Variants in EPPK1 observed in about 807,000 individuals in gnomAD.
EPPK1 encodes the protein epiplakin.
For missense variants in EPPK1, 3,823 were observed against 3,673.3 expected, an observed-to-expected ratio of 1.04 and a Z score of -1.05; for synonymous variants, 1,862 against 1,721.2, an observed-to-expected ratio of 1.08 and a Z score of -2.03.
At chr8:143,877,134 C>G (rs782378450) in intron 1 of EPPK1, among the ~76,000 whole-genome samples, 1 of 152,242 alleles carries the variant, frequency 6.6e-6, no homozygotes, top group South Asian at 2.1e-4. Flanking sequence ...CCGCACCATG[C>G]GTGAGATGCG....
intron 1 of EPPK1, among the ~76,000 whole-genome samples, chr8:143,875,275 G>A (rs1819457686): frequency 1.3e-5 from 2 of 152,298 alleles, no homozygotes; most frequent in South Asian, 2.1e-4. Flanking sequence ...GGCTGTCGAG[G>A]CTCGTAGATG....
At chr8:143,873,798 C>T (rs2130654723) in intron 1 of EPPK1, among the ~76,000 whole-genome samples, 1 of 152,044 alleles carries the variant, frequency 6.6e-6, no homozygotes, top group East Asian at 1.9e-4. Flanking sequence ...CCCACCCCAG[C>T]TCCAGTGATC....
rs782275400 is a variant in EPPK1, at chr8:143,871,832, T to TC, written c.1421dup (p.Gly475ArgfsTer43). ...TGAATGGGGGTCCCTGGGGCTCCCC[T>TC]CCCCGGGGTCCCCCTGAGAGTGGCA... On this transcript the variant is annotated frameshift_variant, in exon 2 of 2. Transcript: ENST00000615648. LOFTEE classifies it low-confidence loss of function (END_TRUNC). 1 of 1,612,196 alleles carries TC rather than the reference T, an allele frequency of 6.2e-7. No homozygotes were observed. Among genetic ancestry groups the TC allele is most frequent in the Admixed American group, 1.7e-5 (1 of 60,018 alleles).
Position 143,871,461 on chromosome 8 carries a change from C to T in EPPK1, c.1793G>A (p.Ser598Asn), listed in dbSNP as rs782724289. The part of the protein sequence containing the change: ...HGQATAKDVG[S>N]LASVQRYLQG... ...CAGGTACCTCTGCACCGAGGCCAGGCTGCCCACATCCTTGGCTGTGGCCTG... is the reference window on the plus strand; with the variant it reads ...CAGGTACCTCTGCACCGAGGCCAGGTTGCCCACATCCTTGGCTGTGGCCTG... The change falls in exon 2 of 2, where the codon AGC becomes AAC. Residue 598 changes from serine (S) to asparagine (N), a missense_variant. Coordinates refer to ENST00000615648, the MANE Select transcript of EPPK1 (RefSeq NM_031308.4). 1.9e-6 allele frequency: 3 copies of T among 1,607,822 alleles called. No individual in the cohort carries two copies. In the African/African-American group the frequency reaches 4.0e-5, roughly 21 times the overall value.
In EPPK1 at chr8:143,866,773, A is replaced by G. The variant is rs115688173; in HGVS notation, c.6481T>C (p.Leu2161=). ...TTGCTGGTTTCCTGCTTCTCGATCA[A>G]CTCTAAGATGAGCTGCGCTACCGTC... ...LQTVAQLILE[L]IEKQETSNKH... The change falls in exon 2 of 2, where the codon TTG becomes CTG. Residue 2161 remains leucine (L), a synonymous_variant. Coordinates refer to ENST00000615648, the MANE Select transcript of EPPK1 (RefSeq NM_031308.4). 1,977 of 1,613,072 alleles carry G rather than the reference A, an allele frequency of 1.2e-3. 29 individuals are homozygous for G. In the African/African-American group the frequency reaches 0.024, roughly 20 times the overall value.
intron 1 of EPPK1, among the ~76,000 whole-genome samples, chr8:143,876,916 A>T (rs1343340145): frequency 1.3e-5 from 2 of 152,158 alleles, no homozygotes; most frequent in African/African-American, 4.8e-5. Context: ...GGGTGGGGAC[A>T]GCACCTTGGG....
Position 143,857,641 on chromosome 8 carries a change from G to A in EPPK1, c.*346C>T, listed in dbSNP as rs1459042622. On this transcript the variant is annotated 3_prime_UTR_variant, in exon 2 of 2. Transcript: ENST00000615648. ...AAATTACACTGCAACAAGAGTACCC[G>A]ATGGCATGATGGACTGAGAGTCTAA... 6 of 287,556 alleles carry A rather than the reference G, an allele frequency of 2.1e-5. No individual in the cohort carries two copies. The highest frequency in any genetic ancestry group is 1.2e-4 in the East Asian group (2 of 16,430). 17.8% of individuals were successfully genotyped at this position (287,556 alleles called of 1,614,324 possible).
At chr8:143,877,930 C>T (rs1819512492) in intron 1 of EPPK1, among the ~76,000 whole-genome samples, 1 of 152,066 alleles carries the variant, frequency 6.6e-6, no homozygotes, top group African/African-American at 2.4e-5. Context: ...AGTGGCCACC[C>T]CTGGGACCGC....
At position 143,873,262 on chromosome 8, in the gene EPPK1, G is replaced by A. The variant is rs782058723; in HGVS notation, c.-9C>T. ...AAGGTGTGGCCACTCATCACACACG[G>A]CTGGTTATGCAGAGCCTGCTGAGGT... On this transcript the variant is annotated 5_prime_UTR_variant, in exon 2 of 2. Coordinates refer to ENST00000615648, the MANE Select transcript of EPPK1 (RefSeq NM_031308.4). The A allele has an allele frequency of 7.2e-6, 11 of 1,537,086 alleles. No individual in the cohort carries two copies. The highest frequency in any genetic ancestry group is 1.3e-5 in the South Asian group (1 of 77,360).
chr8:143,870,351 G>A lies in EPPK1; in HGVS notation c.2903C>T (p.Ala968Val), dbSNP rs782782110. Reference sequence around the variant, plus strand: ...AGGGTCCATGATGGTTCCGGTGGCCGCCTGGGCCTCCAGCAGGGCCAGGGC... The same window carrying A: ...AGGGTCCATGATGGTTCCGGTGGCCACCTGGGCCTCCAGCAGGGCCAGGGC... ...RVALALLEAQ[A>V]ATGTIMDPHS... The change falls in exon 2 of 2, where the codon GCG (alanine) becomes GTG (valine). Residue 968 changes from alanine to valine, a missense_variant. Ala to Val is a moderately conservative substitution (Grantham distance 64, BLOSUM62 0). Transcript: ENST00000615648. This position sits in a 1 kb window ranked among gnomAD's most constrained non-coding sequence, Gnocchi z 5.2. 6.4e-6 allele frequency: 10 copies of A among 1,557,964 alleles called. No individual in the cohort carries two copies. The highest frequency in any genetic ancestry group is 1.7e-4 in the Middle Eastern group (1 of 5,716).
intron 1 of EPPK1, among the ~76,000 whole-genome samples, chr8:143,877,210 G>A (rs947909021): frequency 6.6e-6 from 1 of 152,224 alleles, no homozygotes; most frequent in Admixed American, 6.5e-5. Flanking sequence ...ACCCCTCTGG[G>A]CCCTGCCCCT....
chr8:143,872,185 G>A lies in EPPK1; in HGVS notation c.1069C>T (p.Leu357=). Residue 357 remains leucine, a synonymous_variant, in exon 2 of 2, where the codon CTG becomes TTG. Coordinates refer to ENST00000615648, the MANE Select transcript of EPPK1 (RefSeq NM_031308.4). ...LVSPELHEQL[L]VAEQAVTGHH... is the part of the protein sequence containing the mutation. ...CCTGTCACGGCCTGCTCGGCCACCAGGAGCTGCTCATGGAGCTCTGGGCTG... is the reference window on the plus strand; with the variant it reads ...CCTGTCACGGCCTGCTCGGCCACCAAGAGCTGCTCATGGAGCTCTGGGCTG... 6.3e-7 allele frequency: 1 copy of A among 1,597,364 alleles called. No individual in the cohort carries two copies. The highest frequency in any genetic ancestry group is 2.2e-5 in the East Asian group (1 of 44,720).
chr8:143,868,480 T>C lies in EPPK1; in HGVS notation c.4774A>G (p.Arg1592Gly), dbSNP rs566572612. The stretch of plus-strand genomic sequence containing the variant: ...GTGCCAGGCCGCAGGATGTGCCTCC[T>C]CAGGGCCTCTGGGATGCTCATCCTC... The part of the protein sequence containing the change: ...QERMSIPEAL[R>G]RHILRPGTAL... The change falls in exon 2 of 2, where the codon AGG becomes GGG. Residue 1592 changes from arginine to glycine, a missense_variant. Arg to Gly is a moderately radical substitution (Grantham distance 125). Transcript: ENST00000615648. 35 of 1,611,968 alleles carry C rather than the reference T, an allele frequency of 2.2e-5. No individual in the cohort carries two copies. The South Asian group carries it at 3.5e-4, about 16-fold the overall frequency.
upstream of EPPK1, among the ~76,000 whole-genome samples, chr8:143,879,079 G>T (rs1250774181): frequency 6.6e-6 from 1 of 152,180 alleles, no homozygotes; most frequent in Non-Finnish European, 1.5e-5. Flanking sequence ...GCCCATCCTG[G>T]CACCCACCTT....
At position 143,870,757 on chromosome 8, in the gene EPPK1, C is replaced by G; in HGVS notation, c.2497G>C (p.Ala833Pro). ...YGRFQGQRVSAWELINSEYFS... is the reference protein window; with the variant it reads ...YGRFQGQRVSPWELINSEYFS... The stretch of plus-strand genomic sequence containing the variant: ...TACTCAGAGTTGATCAGCTCCCACG[C>G]GGAGACCCTCTGCCCCTGAAACCGT... The change falls in exon 2 of 2, where the codon GCG (alanine) becomes CCG (proline). Residue 833 changes from alanine (A) to proline (P), a missense_variant. Ala to Pro is a conservative substitution (Grantham distance 27, BLOSUM62 -1). Transcript: ENST00000615648. The surrounding 1 kb of genome is among the most constrained non-coding windows in gnomAD (Gnocchi z 5.2). The G allele has an allele frequency of 6.2e-7, 1 of 1,612,576 alleles. No homozygotes were observed. Among genetic ancestry groups the G allele is most frequent in the Non-Finnish European group, 8.5e-7 (1 of 1,179,834 alleles).
rs1177149769 is a variant in EPPK1, at chr8:143,872,252, G to A, written c.1002C>T (p.Gly334=). 1 of 1,609,658 alleles carries A rather than the reference G, an allele frequency of 6.2e-7. No homozygotes were observed. The highest frequency in any genetic ancestry group is 8.5e-7 in the Non-Finnish European group (1 of 1,178,510). ...CTGCCTCGTCTACCCACAGCCGCTG[G>A]CCTGTGATGGGGTCCACCAGGGTGT... ...ATHTLVDPIT[G]QRLWVDEAVR... The change falls in exon 2 of 2, where the codon GGC becomes GGT. Residue 334 remains glycine (G), a synonymous_variant. Coordinates refer to ENST00000615648, the MANE Select transcript of EPPK1 (RefSeq NM_031308.4).
Position 143,872,040 on chromosome 8 carries a change from A to G in EPPK1, c.1214T>C (p.Val405Ala). ...CAGCCGGAGCCTGCGTGCTGGACAG[A>G]CCAGCCCGCCTGTGGCCAGCTGGGC... ...LDAQLATGGL[V>A]CPARRLRLPL... The change falls in exon 2 of 2, where the codon GTC (valine) becomes GCC (alanine). Residue 405 changes from valine to alanine, a missense_variant. Val to Ala is a moderately conservative substitution (Grantham distance 64). Coordinates refer to ENST00000615648, the MANE Select transcript of EPPK1 (RefSeq NM_031308.4). The G allele has an allele frequency of 6.4e-7, 1 of 1,557,484 alleles. No individual in the cohort carries two copies. The highest frequency in any genetic ancestry group is 8.7e-7 in the Non-Finnish European group (1 of 1,152,400).
chr8:143,871,529 G>A lies in EPPK1; in HGVS notation c.1725C>T (p.Ala575=), dbSNP rs782126688. Residue 575 remains alanine, a synonymous_variant, in exon 2 of 2, where the codon GCC becomes GCT. Transcript: ENST00000615648. ...CGTACAGGTCCTGGTCGATGATCTC[G>A]GCTTTCAGCAGCTCTCCTGGTGTCA... ...DTVTPGELLK[A]EIIDQDLYER... is the part of the protein sequence containing the mutation. 1.2e-5 allele frequency: 20 copies of A among 1,609,966 alleles called. No individual in the cohort carries two copies. In the East Asian group the frequency reaches 1.3e-4, roughly 11 times the overall value.
At chr8:143,873,388 C>T in intron 1 of EPPK1, 90 bp from the exon 2 acceptor site, 1 of 946,388 alleles carries the variant, frequency 1.1e-6, no homozygotes, top group Non-Finnish European at 1.5e-6. Context: ...CCATGCTGTC[C>T]CGGGCTGGGC....
Sources: gnomAD v4.1 joint callset for allele counts (sites outside exome capture counted in the v4.1 genomes callset) on GRCh38, gnomAD v4.1.1 for gene constraint, Gnocchi (gnomAD v3.1) non-coding constraint, MANE v1.5 for transcripts, NCBI Gene and HGNC (gene_info 2026-07-23, HGNC 2026-07-21) for gene names.